SETD7: variants seen among roughly 807,000 people sequenced by gnomAD.
The protein encoded by SETD7 is histone-lysine N-methyltransferase SETD7.
A neutral mutation model predicts 41.8 loss-of-function variants in SETD7; 16 were observed. The ratio of observed to expected loss-of-function variants is 0.38; its 90% CI spans 0.26 to 0.58. SETD7 has a LOEUF of 0.58. SETD7 is among the 20% of genes least tolerant of loss of function. The probability of loss-of-function intolerance (pLI) is 0.64; values close to 1 mark genes in which losing one functional copy is unlikely to be tolerated. For missense variants in SETD7, 346 were observed against 459.7 expected, an observed-to-expected ratio of 0.75 and a Z score of 2.26; for synonymous variants, 163 against 169.7, an observed-to-expected ratio of 0.96 and a Z score of 0.31.
intron 5 of SETD7, among the ~76,000 whole-genome samples, chr4:139,521,634 G>C (rs1209263346): frequency 6.6e-6 from 1 of 152,124 alleles, no homozygotes; most frequent in Non-Finnish European, 1.5e-5. Context: ...TTTGCCACGT[G>C]ACCTTGTAGT....
chr4:139,502,872 C>T (rs983914478), downstream of SETD7, among the ~76,000 whole-genome samples: 7 of 152,004 alleles, frequency 4.6e-5, no homozygotes, highest in African/African-American at 1.7e-4. Flanking sequence ...TAGAAATTGG[C>T]TGAGAATAAA....
chr4:139,493,185 G>A (rs2111102518), downstream of SETD7, among the ~76,000 whole-genome samples: 1 of 152,306 alleles, frequency 6.6e-6, no homozygotes, highest in Admixed American at 6.5e-5. Flanking sequence ...CAATTTGGGT[G>A]GTAAGACAGC....
chr4:139,500,815 C>T (rs949907222), intron 7 of SETD7, among the ~76,000 whole-genome samples: 4 of 152,164 alleles, frequency 2.6e-5, no homozygotes, highest in Non-Finnish European at 5.9e-5. Context: ...GGCTGCACCA[C>T]TGCACCTCGC....
intron 2 of SETD7, among the ~76,000 whole-genome samples, chr4:139,539,567 TA>T (rs1474943023): frequency 6.6e-6 from 1 of 152,256 alleles, no homozygotes; most frequent in Non-Finnish European, 1.5e-5. Context: ...ACTATAGATC[TA>T]ATTATTACAA....
At position 139,524,111 on chromosome 4, in the gene SETD7, C is replaced by T. The variant is rs1031934407; in HGVS notation, c.563-676G>A. Among the ~76,000 whole-genome samples, 9 of 152,180 alleles carry T rather than the reference C, an allele frequency of 5.9e-5. No homozygotes were observed. The South Asian group carries it at 8.3e-4, about 14-fold the overall frequency. ...TAGGTAAAGAAACAAGATTTAGAAT[C>T]AGAGGGCTTACTCCTGCAAAACAAA... On this transcript the variant is annotated intron_variant, in intron 4 of 7. Coordinates refer to ENST00000274031, the MANE Select transcript of SETD7 (RefSeq NM_030648.4).
At chr4:139,538,893 C>T (rs1186150860) in intron 2 of SETD7, among the ~76,000 whole-genome samples, 5 of 152,070 alleles carry the variant, frequency 3.3e-5, no homozygotes, top group Non-Finnish European at 7.4e-5. Context: ...TTTTTCTGCA[C>T]ATAGATCAAT....
At chr4:139,504,386 GTCTATCTA>G (rs145291139), downstream of SETD7, among the ~76,000 whole-genome samples, 3 of 152,048 alleles carry the variant, frequency 2.0e-5, no homozygotes, top group African/African-American at 7.2e-5. Flanking sequence ...CTGTCTATCT[GTCTATCTA>G]TCTATCTATC....
At chr4:139,535,265 T>G (rs1439269764) in intron 2 of SETD7, among the ~76,000 whole-genome samples, 1 of 152,256 alleles carries the variant, frequency 6.6e-6, no homozygotes, top group Non-Finnish European at 1.5e-5. Flanking sequence ...TAAGTTTGAA[T>G]TTCAGATAAA....
chr4:139,549,287 A>G (rs1728044648), intron 1 of SETD7, among the ~76,000 whole-genome samples: 1 of 152,256 alleles, frequency 6.6e-6, no homozygotes. Context: ...GAGAATTACA[A>G]TAAATCTGAA....
chr4:139,512,633 C>T (rs754410759), intron 7 of SETD7, among the ~76,000 whole-genome samples: 6 of 152,098 alleles, frequency 3.9e-5, no homozygotes, highest in South Asian at 4.1e-4. Flanking sequence ...ATAGACTTAG[C>T]TCACCTAACA....
At chr4:139,535,618 C>A (rs1560687416) in intron 2 of SETD7, among the ~76,000 whole-genome samples, 1 of 152,228 alleles carries the variant, frequency 6.6e-6, no homozygotes, top group Non-Finnish European at 1.5e-5. Context: ...CCTAACCTCC[C>A]TTACCCATGG....
At chr4:139,539,651 C>T (rs1252080324) in intron 2 of SETD7, among the ~76,000 whole-genome samples, 2 of 152,148 alleles carry the variant, frequency 1.3e-5, no homozygotes, top group Non-Finnish European at 2.9e-5. Context: ...AAACAAACCT[C>T]AAGAAAACTT....
chr4:139,528,108 C>G (rs563306227), intron 4 of SETD7, among the ~76,000 whole-genome samples: 1 of 152,124 alleles, frequency 6.6e-6, no homozygotes, highest in Non-Finnish European at 1.5e-5. Flanking sequence ...ATTCAAATAG[C>G]TTTCTTAAGC....
chr4:139,499,247 C>T (rs1023175981), intron 7 of SETD7, among the ~76,000 whole-genome samples: 17 of 152,194 alleles, frequency 1.1e-4, no homozygotes, highest in Admixed American at 3.9e-4. Context: ...TAGTCCTTTC[C>T]TTGAACTGGT....
intron 7 of SETD7, among the ~76,000 whole-genome samples, chr4:139,497,599 T>G (rs747013961): frequency 1.4e-4 from 20 of 147,392 alleles, no homozygotes; most frequent in African/African-American, 1.6e-4. Context: ...GTTTTTTTGT[T>G]TTTTTTTTAG....
chr4:139,515,664 C>A (rs1423609369), intron 7 of SETD7, among the ~76,000 whole-genome samples: 1 of 152,166 alleles, frequency 6.6e-6, no homozygotes, highest in Non-Finnish European at 1.5e-5. Flanking sequence ...CCATTTCTAC[C>A]CGTCCTTTAA....
At chr4:139,526,046 T>TGTTG in intron 4 of SETD7, among the ~76,000 whole-genome samples, 1 of 150,984 alleles carries the variant, frequency 6.6e-6, no homozygotes, top group African/African-American at 2.4e-5. Flanking sequence ...TGTTGTTTGT[T>TGTTG]TTTGTTTGTT....
downstream of SETD7, among the ~76,000 whole-genome samples, chr4:139,503,629 A>C (rs1052793833): frequency 6.7e-6 from 1 of 150,200 alleles, no homozygotes; most frequent in Non-Finnish European, 1.5e-5. Context: ...CCCCCTGATA[A>C]ATTCTCTAAA....
intron 1 of SETD7, among the ~76,000 whole-genome samples, chr4:139,548,911 A>G (rs927000879): frequency 7.9e-5 from 12 of 152,182 alleles, no homozygotes; most frequent in South Asian, 6.2e-4. Flanking sequence ...CTAATTGTAC[A>G]TGACATAAAT....
Sources: gnomAD v4.1 joint callset for allele counts (sites outside exome capture counted in the v4.1 genomes callset) on GRCh38, gnomAD v4.1.1 for gene constraint, MANE v1.5 for transcripts, NCBI Gene and HGNC (gene_info 2026-07-23, HGNC 2026-07-21) for gene names.